Variants in PLCH1 observed in about 807,000 individuals in gnomAD.
PLCH1 encodes the protein phospholipase C eta 1, also known as 1-phosphatidylinositol 4,5-bisphosphate phosphodiesterase eta-1.
In PLCH1, 60 loss-of-function variants were observed where a neutral mutation model predicts 126.7. That is an observed-to-expected ratio of 0.47 (90% CI 0.38 to 0.59). The LOEUF (loss-of-function observed/expected upper bound fraction) is 0.59, where lower values mean the gene tolerates loss of function less well. Ranked by LOEUF, PLCH1 falls within the 20% of genes least tolerant of loss-of-function variation. The probability of loss-of-function intolerance (pLI) is 0.00; values close to 1 mark genes in which losing one functional copy is unlikely to be tolerated. For missense variants in PLCH1, 1,723 were observed against 2,040.0 expected, an observed-to-expected ratio of 0.84 and a Z score of 2.99; for synonymous variants, 719 against 734.9, an observed-to-expected ratio of 0.98 and a Z score of 0.35.
chr3:155,455,737 A>G (rs180712974), intron 21 of PLCH1, among the ~76,000 whole-genome samples: 1 of 152,244 alleles, frequency 6.6e-6, no homozygotes, highest in African/African-American at 2.4e-5. Context: ...AATTAAGCAC[A>G]CAGAATATTC....
chr3:155,709,219 T>TA (rs1214196338), intron 1 of PLCH1, among the ~76,000 whole-genome samples: 1 of 152,240 alleles, frequency 6.6e-6, no homozygotes, highest in African/African-American at 2.4e-5. Flanking sequence ...TTTTGAAATT[T>TA]ATAAATACAG....
At chr3:155,544,051 T>TA (rs200443899) in intron 10 of PLCH1, among the ~76,000 whole-genome samples, 1 of 148,358 alleles carries the variant, frequency 6.7e-6, no homozygotes, top group African/African-American at 2.5e-5. Context: ...TAACTTTAAA[T>TA]TAAATGGACT....
intron 2 of PLCH1, among the ~76,000 whole-genome samples, chr3:155,675,725 T>C (rs1004029043): frequency 3.9e-5 from 6 of 152,348 alleles, no homozygotes; most frequent in South Asian, 2.1e-4. Context: ...AGAATACAAA[T>C]TATTTTCTCA....
chr3:155,543,001 G>A (rs549622351), intron 10 of PLCH1, among the ~76,000 whole-genome samples: 15 of 152,352 alleles, frequency 9.8e-5, no homozygotes, highest in Admixed American at 5.2e-4. Flanking sequence ...CCAAAGGAAC[G>A]CAGCTCCTCA....
chr3:155,591,360 C>T (rs1732145415), intron 4 of PLCH1, among the ~76,000 whole-genome samples: 1 of 152,086 alleles, frequency 6.6e-6, no homozygotes, highest in Non-Finnish European at 1.5e-5. Context: ...TGCAACTGTC[C>T]TCAAAGTATA....
At chr3:155,622,953 A>AAT (rs1277661014) in intron 2 of PLCH1, among the ~76,000 whole-genome samples, 1 of 152,162 alleles carries the variant, frequency 6.6e-6, no homozygotes, top group African/African-American at 2.4e-5. Context: ...AAATCGACAG[A>AAT]ATATATATTC....
At chr3:155,580,393 T>C (rs1730517331) in intron 6 of PLCH1, among the ~76,000 whole-genome samples, 1 of 152,176 alleles carries the variant, frequency 6.6e-6, no homozygotes. Flanking sequence ...AATTCAAATA[T>C]GGCATTTAAA....
In PLCH1 at chr3:155,554,175, T is replaced by C. The variant is rs563242453; in HGVS notation, c.1091A>G (p.Asp364Gly). 6.2e-7 allele frequency: 1 copy of C among 1,613,736 alleles called. No individual in the cohort carries two copies. The highest frequency in any genetic ancestry group is 2.2e-5 in the East Asian group (1 of 44,866). Residue 364 changes from aspartate (D) to glycine (G), a missense_variant, in exon 9 of 23, where the codon GAT becomes GGT. Physicochemically the swap from Asp to Gly is moderately conservative, Grantham distance 94. Around this residue, in one of 2 missense-constraint regions of PLCH1, gnomAD observed 776 missense variants for 1,062.9 expected, o/e 0.73. Transcript: ENST00000460012. ...ACCATGATGTACTACTGGCTCTCCA[T>C]CTGGGCCATCCCAACAGTCAACTGC... ...CVEVDCWDGP[D>G]GEPVVHHGYT...
rs1037329759 is a variant in PLCH1, at chr3:155,707,431, G to A, written c.-40-3167C>T. Among the ~76,000 whole-genome samples, 6 of 152,176 alleles carry A rather than the reference G, an allele frequency of 3.9e-5. No homozygotes were observed. The East Asian group carries it at 9.6e-4, about 24-fold the overall frequency. On this transcript the variant is annotated intron_variant, in intron 1 of 22. Transcript: ENST00000460012. The stretch of plus-strand genomic sequence containing the variant: ...AGGCCGGGCACAGTGGCTCACGCCT[G>A]TAATCCCAACACTTTGGGGGGCCAA...
intron 2 of PLCH1, among the ~76,000 whole-genome samples, chr3:155,610,364 GA>G (rs569174791): frequency 0.021 from 840 of 39,464 alleles, 2 homozygotes; most frequent in African/African-American, 0.04. Context: ...TGCGTCTGGA[GA>G]AAAAAAAAAA....
intron 10 of PLCH1, among the ~76,000 whole-genome samples, chr3:155,544,039 A>G (rs1265220348): frequency 4.3e-5 from 2 of 46,910 alleles, no homozygotes; most frequent in Non-Finnish European, 2.5e-4. Context: ...ACATAACAAT[A>G]TTAACTTTAA....
intron 14 of PLCH1, 106 bp from the exon 15 acceptor site, chr3:155,497,523 C>T: frequency 1.3e-6 from 1 of 786,398 alleles, no homozygotes; most frequent in Non-Finnish European, 2.2e-6. Flanking sequence ...ATAGGGAATA[C>T]CTGCCCCAGG....
intron 21 of PLCH1, among the ~76,000 whole-genome samples, chr3:155,456,425 C>A (rs1281808980): frequency 3.9e-5 from 6 of 152,144 alleles, no homozygotes; most frequent in African/African-American, 1.4e-4. Context: ...CTGCCTTTAG[C>A]CCACAGGCCA....
rs1165726851 is a variant in PLCH1 at position 155,547,775 on chromosome 3, T to G, written c.1362+2012A>C. Among the ~76,000 whole-genome samples the G allele has an allele frequency of 2.9e-4, 43 of 150,408 alleles. 1 individual carries two copies. The highest frequency in any genetic ancestry group is 3.9e-4 in the East Asian group (2 of 5,104). On this transcript the variant is annotated intron_variant, in intron 10 of 22. Transcript: ENST00000460012. ...TGAAATTGGAAATCATCATTCTCAGTAAACTATCGCAAGAACAAAAAACCA... is the reference window on the plus strand; with the variant it reads ...TGAAATTGGAAATCATCATTCTCAGGAAACTATCGCAAGAACAAAAAACCA...
chr3:155,694,090 T>G (rs1195678986), intron 2 of PLCH1, among the ~76,000 whole-genome samples: 1 of 152,158 alleles, frequency 6.6e-6, no homozygotes, highest in Non-Finnish European at 1.5e-5. Context: ...CCTTCAAGAT[T>G]CAGTATAAAA....
chr3:155,713,531 G>A (rs1445998206), intron 1 of PLCH1, among the ~76,000 whole-genome samples: 2 of 152,202 alleles, frequency 1.3e-5, no homozygotes, highest in East Asian at 3.8e-4. Context: ...ATTGCTAACA[G>A]CATTTGGAGA....
At chr3:155,462,413 G>T (rs1482051205) in intron 21 of PLCH1, among the ~76,000 whole-genome samples, 1 of 152,208 alleles carries the variant, frequency 6.6e-6, no homozygotes, top group African/African-American at 2.4e-5. Flanking sequence ...AGACAACAGA[G>T]ATGGTGAGTA....
At chr3:155,452,383 T>A (rs1001123094) in intron 21 of PLCH1, among the ~76,000 whole-genome samples, 10 of 152,072 alleles carry the variant, frequency 6.6e-5, no homozygotes, top group Admixed American at 5.2e-4. Context: ...CAAGGTGAGA[T>A]TTGGGTGGGG....
intron 21 of PLCH1, among the ~76,000 whole-genome samples, chr3:155,469,582 A>T (rs1055923242): frequency 3.3e-5 from 5 of 152,254 alleles, no homozygotes; most frequent in Non-Finnish European, 7.3e-5. Context: ...CCACAGCTCA[A>T]GGAGGCCTGC....
Sources: allele counts gnomAD v4.1 joint callset (sites outside exome capture counted in the v4.1 genomes callset), GRCh38; gene constraint gnomAD v4.1.1; regional missense constraint gnomAD v4.1.1; transcripts MANE v1.5; gene names NCBI Gene and HGNC (gene_info 2026-07-23, HGNC 2026-07-21).